Variants in PTPRD observed in about 807,000 individuals in gnomAD.
PTPRD encodes receptor-type tyrosine-protein phosphatase delta.
PTPRD carries 34 observed loss-of-function variants against 214.5 expected under a neutral mutation model. That is an observed-to-expected ratio of 0.16 (90% CI 0.12 to 0.21). The LOEUF is 0.21. PTPRD is among the 10% of genes least tolerant of loss of function. The pLI is 1.00. For missense variants in PTPRD, 2,545 were observed against 2,398.7 expected (o/e 1.06, Z -1.27); for synonymous variants, 1,128 against 845.7 (o/e 1.33, Z -5.79).
At position 10,605,293 on chromosome 9, in the gene PTPRD, C is replaced by G. The variant is rs60458601; in HGVS notation, c.-600+7105G>C. Among the ~76,000 whole-genome samples the G allele has an allele frequency of 6.7e-3, 1,023 of 151,934 alleles. 20 individuals carry two copies. The highest frequency in any genetic ancestry group is 0.023 in the African/African-American group (967 of 41,500). On this transcript the variant is annotated intron_variant, in intron 2 of 45. Coordinates refer to ENST00000381196, the MANE Select transcript of PTPRD (RefSeq NM_002839.4). The stretch of plus-strand genomic sequence containing the variant: ...GGTTATAGCTGAAAATAACATGAGT[C>G]TTGACTGTAACTGCTATTGTATTCT...
rs182563984 is a variant in PTPRD, at chr9:8,454,676, C to T, written c.3876-4839G>A. ...TGGTAACAAGGATAACCATGACAAC[C>T]AAGATTTAAGAAATAGTGTTCACAA... On this transcript the variant is annotated intron_variant, in intron 33 of 45. Transcript: ENST00000381196. The T allele has an allele frequency of 2.8e-5, 41 of 1,474,022 alleles. No homozygotes were observed. In the Admixed American group the frequency reaches 7.1e-4, roughly 25 times the overall value. The allele number at this position is 1,474,022 out of a possible 1,614,324, so 91.3% of individuals were successfully genotyped here. A position where few individuals can be genotyped will look rare whatever the true frequency, so the allele number is the denominator to read the frequency against.
chr9:9,286,876 ATATATATATATATATATATAT>A (rs1175974694), intron 9 of PTPRD, among the ~76,000 whole-genome samples: 15 of 8,630 alleles, frequency 1.7e-3, no homozygotes, highest in East Asian at 0.01. Flanking sequence ...ACTACTGAAT[ATATATATATATATATATATAT>A]ATATATATAT....
At chr9:10,420,175 T>C (rs2098532943) in intron 2 of PTPRD, among the ~76,000 whole-genome samples, 1 of 151,832 alleles carries the variant, frequency 6.6e-6, no homozygotes, top group African/African-American at 2.4e-5. Context: ...TGGATGACTT[T>C]GCTATGTGTC....
intron 36 of PTPRD, among the ~76,000 whole-genome samples, chr9:8,399,981 G>A (rs536023799): frequency 1.3e-5 from 2 of 152,224 alleles, no homozygotes; most frequent in East Asian, 1.9e-4. Flanking sequence ...ATAACATGGT[G>A]CTCGGCATGT....
At chr9:8,624,343 T>C (rs187780767) in intron 14 of PTPRD, among the ~76,000 whole-genome samples, 2 of 152,056 alleles carry the variant, frequency 1.3e-5, no homozygotes, top group Non-Finnish European at 2.9e-5. Flanking sequence ...TATTTCCTTG[T>C]GAAAAGCTGT....
chr9:8,869,688 T>G (rs2098260685), intron 11 of PTPRD, among the ~76,000 whole-genome samples: 1 of 151,936 alleles, frequency 6.6e-6, no homozygotes, highest in Non-Finnish European at 1.5e-5. Context: ...CTAGCGGCCT[T>G]TTTCCAGGAT....
chr9:8,318,291 G>T (rs569184831), intron 45 of PTPRD, among the ~76,000 whole-genome samples: 1 of 152,100 alleles, frequency 6.6e-6, no homozygotes, highest in African/African-American at 2.4e-5. Context: ...AGCAGATAAT[G>T]ATGAAAATCA....
intron 2 of PTPRD, among the ~76,000 whole-genome samples, chr9:10,602,323 C>G (rs1421653599): frequency 1.3e-5 from 2 of 151,762 alleles, no homozygotes; most frequent in Non-Finnish European, 2.9e-5. Context: ...CTTGTCCTTT[C>G]AAAATTAGGG....
At chr9:8,443,944 G>A (rs2095634210) in intron 34 of PTPRD, among the ~76,000 whole-genome samples, 2 of 152,100 alleles carry the variant, frequency 1.3e-5, no homozygotes, top group African/African-American at 4.8e-5. Flanking sequence ...ATAATATTAT[G>A]TTTATTTTCA....
chr9:9,705,684 T>A (rs1217485748), intron 7 of PTPRD, among the ~76,000 whole-genome samples: 2 of 152,152 alleles, frequency 1.3e-5, no homozygotes, highest in African/African-American at 4.8e-5. Flanking sequence ...TACTTCTAAG[T>A]ATCAAAAGTT....
At chr9:8,771,987 A>G (rs928336306) in intron 11 of PTPRD, among the ~76,000 whole-genome samples, 24 of 152,146 alleles carry the variant, frequency 1.6e-4, no homozygotes, top group African/African-American at 5.8e-4. Context: ...AAAAAAGAAT[A>G]AATGCTTGAG....
At position 9,321,209 on chromosome 9, in the gene PTPRD, A is replaced by G. The variant is rs1026519066; in HGVS notation, c.-203+76240T>C. On this transcript the variant is annotated intron_variant, in intron 9 of 45. Coordinates refer to ENST00000381196, the MANE Select transcript of PTPRD (RefSeq NM_002839.4). ...TTCTGATGTATGTGGTACATATACT[A>G]TTTGGGCCCTAAAGACATTTAAAAG... 4.3e-4 allele frequency among the ~76,000 whole-genome samples: 66 copies of G among 152,272 alleles called. 1 individual carries two copies. The highest frequency in any genetic ancestry group is 7.4e-4 in the Non-Finnish European group (50 of 68,010).
At chr9:8,554,225 T>A (rs1404471605) in intron 14 of PTPRD, among the ~76,000 whole-genome samples, 17 of 151,852 alleles carry the variant, frequency 1.1e-4, no homozygotes, top group Admixed American at 9.8e-4. Flanking sequence ...CAGATTATAG[T>A]TGGGGAAGGA....
At chr9:8,382,047 C>G (rs138855375) in intron 37 of PTPRD, among the ~76,000 whole-genome samples, 71 of 152,326 alleles carry the variant, frequency 4.7e-4, no homozygotes, top group Admixed American at 1.8e-3. Context: ...ACAGCCACCT[C>G]TGCTTCTGCC....
At chr9:8,548,896 G>T (rs1004531646) in intron 14 of PTPRD, among the ~76,000 whole-genome samples, 11 of 151,956 alleles carry the variant, frequency 7.2e-5, no homozygotes, top group African/African-American at 2.7e-4. Context: ...GTTTCTCCAT[G>T]TTGAGGCTGG....
intron 7 of PTPRD, among the ~76,000 whole-genome samples, chr9:9,713,951 T>A (rs1459291358): frequency 1.3e-5 from 2 of 152,086 alleles, no homozygotes; most frequent in Non-Finnish European, 2.9e-5. Context: ...GAAGGTAGGT[T>A]ACCCTCCTTA....
chr9:8,355,863 G>A (rs866619619), intron 39 of PTPRD, among the ~76,000 whole-genome samples: 1 of 152,070 alleles, frequency 6.6e-6, no homozygotes, highest in Non-Finnish European at 1.5e-5. Flanking sequence ...ATGGCTGGTC[G>A]CTGGGCCACA....
intron 6 of PTPRD, among the ~76,000 whole-genome samples, chr9:9,745,425 T>C (rs947087335): frequency 6.6e-6 from 1 of 152,134 alleles, no homozygotes; most frequent in Non-Finnish European, 1.5e-5. Flanking sequence ...TTCCTTTCTC[T>C]TTCTTCCAGC....
intron 9 of PTPRD, among the ~76,000 whole-genome samples, chr9:9,208,627 A>C (rs75253003): frequency 6.6e-6 from 1 of 151,832 alleles, no homozygotes; most frequent in African/African-American, 2.4e-5. Context: ...TGTTTTTCCT[A>C]TCTGTCTTAA....
Sources: gnomAD v4.1 joint callset for allele counts (sites outside exome capture counted in the v4.1 genomes callset) on GRCh38, gnomAD v4.1.1 for gene constraint, MANE v1.5 for transcripts, NCBI Gene and HGNC (gene_info 2026-07-23, HGNC 2026-07-21) for gene names.